Variants in DEPDC5 observed in about 807,000 individuals in gnomAD.
DEPDC5 encodes GATOR1 complex protein DEPDC5.
DEPDC5 carries 73 observed loss-of-function variants against 217.3 expected under a neutral mutation model. The ratio of observed to expected loss-of-function variants is 0.34; its 90% confidence interval spans 0.28 to 0.41. The LOEUF (loss-of-function observed/expected upper bound fraction) is 0.41. DEPDC5 is among the 10% of genes least tolerant of loss of function. The probability of loss-of-function intolerance (pLI) is 1.00; values close to 1 mark genes in which losing one functional copy is unlikely to be tolerated. For synonymous variants in DEPDC5, 733 were observed against 756.7 expected (o/e 0.97, Z 0.51); for missense variants, 1,675 against 2,070.1 (o/e 0.81, Z 3.70).
At chr22:31,776,816 C>A (rs1395725588) in intron 7 of DEPDC5, among the ~76,000 whole-genome samples, 1 of 150,706 alleles carries the variant, frequency 6.6e-6, no homozygotes, top group African/African-American at 2.4e-5. Flanking sequence ...CTCAGGTGAT[C>A]CACCTGCCTT....
At chr22:31,817,692 G>T (rs1188757471) in intron 21 of DEPDC5, among the ~76,000 whole-genome samples, 1 of 151,878 alleles carries the variant, frequency 6.6e-6, no homozygotes, top group African/African-American at 2.4e-5. Flanking sequence ...TCAATCTGTT[G>T]CCCAGGCTGG....
intron 38 of DEPDC5, among the ~76,000 whole-genome samples, chr22:31,881,440 G>A (rs1017187303): frequency 2.0e-5 from 3 of 152,074 alleles, no homozygotes; most frequent in Non-Finnish European, 4.4e-5. Context: ...TTTCCCTTAG[G>A]CAGTCATGAC....
rs374647774 is a variant in DEPDC5, at chr22:31,879,697, G to T, written c.3978G>T (p.Arg1326Ser). The T allele has an allele frequency of 6.2e-7, 1 of 1,614,146 alleles. No individual in the cohort carries two copies. The highest frequency in any genetic ancestry group is 8.5e-7 in the Non-Finnish European group (1 of 1,180,030). The change falls in exon 38 of 43, where the codon AGG becomes AGT. Residue 1326 changes from arginine to serine, a missense_variant. By Grantham distance (110) the Arg-to-Ser change is moderately radical. Transcript: ENST00000651528. ...GCCGGCCAGCCTCCTATGCAAGTAGGCACAGCTCCTTTAGCCGAAGTTTTG... is the reference window on the plus strand; with the variant it reads ...GCCGGCCAGCCTCCTATGCAAGTAGTCACAGCTCCTTTAGCCGAAGTTTTG... ...LPSRPASYASRHSSFSRSFGG... is the reference protein window; with the variant it reads ...LPSRPASYASSHSSFSRSFGG...
intron 20 of DEPDC5, among the ~76,000 whole-genome samples, chr22:31,813,693 A>G (rs1364257106): frequency 1.3e-5 from 2 of 151,426 alleles, no homozygotes; most frequent in African/African-American, 4.8e-5. Flanking sequence ...ATATATATAT[A>G]TATATATGCA....
At chr22:31,882,953 G>A (rs573448430) in intron 38 of DEPDC5, among the ~76,000 whole-genome samples, 2 of 152,198 alleles carry the variant, frequency 1.3e-5, no homozygotes, top group East Asian at 1.9e-4. Flanking sequence ...AGTGTTCAAC[G>A]AAAGGAATTA....
At chr22:31,857,041 G>A (rs1468858414) in intron 31 of DEPDC5, among the ~76,000 whole-genome samples, 1 of 152,196 alleles carries the variant, frequency 6.6e-6, no homozygotes. Flanking sequence ...AAAGTGCGGG[G>A]TTTACAGGCA....
intron 39 of DEPDC5, 44 bp downstream of exon 39, chr22:31,893,795 C>T (rs529182847): frequency 6.6e-6 from 10 of 1,505,766 alleles, no homozygotes; most frequent in Non-Finnish European, 8.0e-6. Context: ...GCTCACCTCA[C>T]AGTGGGCATG....
chr22:31,812,281 G>A (rs543243297), intron 20 of DEPDC5, among the ~76,000 whole-genome samples: 2 of 151,974 alleles, frequency 1.3e-5, no homozygotes, highest in Non-Finnish European at 2.9e-5. Flanking sequence ...ATGAGCCACC[G>A]CACCCGGCCT....
chr22:31,786,398 A>G (rs2084988167), intron 10 of DEPDC5, among the ~76,000 whole-genome samples: 1 of 151,142 alleles, frequency 6.6e-6, no homozygotes, highest in South Asian at 2.1e-4. Flanking sequence ...CACAAAAAAT[A>G]CAAAAAGTTA....
chr22:31,812,093 A>G (rs1345120343), intron 20 of DEPDC5, among the ~76,000 whole-genome samples: 1 of 151,692 alleles, frequency 6.6e-6, no homozygotes, highest in Non-Finnish European at 1.5e-5. Flanking sequence ...GGTTCAAGCA[A>G]TTCTCATGCC....
intron 25 of DEPDC5, among the ~76,000 whole-genome samples, chr22:31,836,628 G>A (rs772050581): frequency 2.0e-4 from 30 of 152,188 alleles, no homozygotes; most frequent in Non-Finnish European, 2.2e-4. Context: ...GGGCCTCCCT[G>A]CTCTTGGAAC....
intron 39 of DEPDC5, among the ~76,000 whole-genome samples, chr22:31,895,722 C>T (rs894400237): frequency 6.6e-6 from 1 of 151,498 alleles, no homozygotes; most frequent in Non-Finnish European, 1.5e-5. Flanking sequence ...AGCTCATAGG[C>T]TAAGTTTTGT....
chr22:31,878,215 T>A (rs1488392479), intron 37 of DEPDC5, among the ~76,000 whole-genome samples: 2 of 151,724 alleles, frequency 1.3e-5, no homozygotes, highest in Non-Finnish European at 2.9e-5. Flanking sequence ...TTACATGAGA[T>A]GAAGCAGCTA....
chr22:31,781,223 AAAC>A (rs750819960), intron 8 of DEPDC5, among the ~76,000 whole-genome samples: 4,693 of 149,766 alleles, frequency 0.031, 100 homozygotes, highest in South Asian at 0.061. Context: ...TCTCAAAAAC[AAAC>A]AAACAAACAA....
chr22:31,840,996 A>C (rs764364055), intron 27 of DEPDC5, among the ~76,000 whole-genome samples: 2 of 152,224 alleles, frequency 1.3e-5, no homozygotes, highest in Admixed American at 6.5e-5. Context: ...CCTAATTTAG[A>C]ATGGGGGTGT....
chr22:31,758,170 T>A (rs994039738), intron 2 of DEPDC5, among the ~76,000 whole-genome samples: 2 of 152,194 alleles, frequency 1.3e-5, no homozygotes, highest in African/African-American at 4.8e-5. Context: ...CTGTAACGAA[T>A]TGTGCTGTAT....
chr22:31,813,690 TATATATATATGC>T (rs1302382076), intron 20 of DEPDC5, among the ~76,000 whole-genome samples: 2 of 151,420 alleles, frequency 1.3e-5, no homozygotes, highest in African/African-American at 4.8e-5. Context: ...TATATATATA[TATATATATATGC>T]ATATATAAAC....
intron 12 of DEPDC5, among the ~76,000 whole-genome samples, chr22:31,797,028 A>G (rs541134741): frequency 1.2e-4 from 17 of 143,552 alleles, no homozygotes; most frequent in South Asian, 4.5e-4. Context: ...TTCTTTCCCA[A>G]TTGGATTGGA....
intron 7 of DEPDC5, among the ~76,000 whole-genome samples, chr22:31,773,251 C>T (rs2083509165): frequency 6.6e-6 from 1 of 152,012 alleles, no homozygotes; most frequent in South Asian, 2.1e-4. Context: ...GCAGTTGTGC[C>T]ATCATGCCTC....
Sources: gnomAD v4.1 joint callset for allele counts (sites outside exome capture counted in the v4.1 genomes callset) on GRCh38, gnomAD v4.1.1 for gene constraint, MANE v1.5 for transcripts, NCBI Gene and HGNC (gene_info 2026-07-23, HGNC 2026-07-21) for gene names.